Variants in ARHGAP28 observed in about 807,000 individuals in gnomAD.
ARHGAP28 encodes the protein rho GTPase-activating protein 28.
A neutral mutation model predicts 90.7 loss-of-function variants in ARHGAP28; 56 were observed. The ratio of observed to expected loss-of-function variants is 0.62; its 90% CI spans 0.50 to 0.77. The LOEUF (loss-of-function observed/expected upper bound fraction) is 0.77, where lower values mean the gene tolerates loss of function less well. Ranked by LOEUF, ARHGAP28 falls within the 30% of genes least tolerant of loss-of-function variation. ARHGAP28 has a pLI of 0.00. For missense variants in ARHGAP28, 869 were observed against 900.9 expected, an observed-to-expected ratio of 0.96 and a Z score of 0.45; for synonymous variants, 308 against 323.3, an observed-to-expected ratio of 0.95 and a Z score of 0.51.
chr18:6,847,541 A>G (rs1057002619), intron 3 of ARHGAP28, among the ~76,000 whole-genome samples: 16 of 152,066 alleles, frequency 1.1e-4, no homozygotes, highest in Admixed American at 9.8e-4. Flanking sequence ...TCTGAAAAAT[A>G]TGTTTCTTAC....
chr18:6,787,039 G>A (rs2056370465), intron 1 of ARHGAP28, among the ~76,000 whole-genome samples: 1 of 151,906 alleles, frequency 6.6e-6, no homozygotes, highest in African/African-American at 2.4e-5. Context: ...GGCCAACATG[G>A]TGAAACCCCG....
chr18:6,909,571 G>A (rs1367866951), intron 17 of ARHGAP28, among the ~76,000 whole-genome samples: 1 of 152,022 alleles, frequency 6.6e-6, no homozygotes, highest in African/African-American at 2.4e-5. Context: ...GGGATTACAG[G>A]TGTGAGCCAC....
In ARHGAP28 at chr18:6,729,889, C is replaced by A. The variant is rs1327867178; in HGVS notation, c.68C>A (p.Pro23His). 1.2e-5 allele frequency: 17 copies of A among 1,428,252 alleles called. No individual in the cohort carries two copies. The East Asian group carries it at 3.1e-4, about 26-fold the overall frequency. The allele number at this position is 1,428,252 out of a possible 1,614,324, so 88.5% of individuals were successfully genotyped here. Residue 23 changes from proline to histidine, a missense_variant, in exon 1 of 18, where the codon CCC becomes CAC. Transcript: ENST00000383472. Reference sequence around the variant, plus strand: ...CACTCGTACGCGCGCGCCCAGCCCCCCAACGCCGAGTCGCGCTGCGCGCCC... The same window carrying A: ...CACTCGTACGCGCGCGCCCAGCCCCACAACGCCGAGTCGCGCTGCGCGCCC... ...AYHSYARAQP[P>H]NAESRCAPRA...
chr18:6,816,627 T>C (rs2056592559), intron 1 of ARHGAP28, among the ~76,000 whole-genome samples: 1 of 152,178 alleles, frequency 6.6e-6, no homozygotes, highest in Non-Finnish European at 1.5e-5. Context: ...GGTATATTCT[T>C]CCCAAAACTC....
At chr18:6,851,199 T>A in intron 4 of ARHGAP28, 73 bp downstream of exon 4, 1 of 1,316,314 alleles carries the variant, frequency 7.6e-7, no homozygotes, top group South Asian at 1.2e-5. Flanking sequence ...GAGCAAAACT[T>A]GAAAAAAGTG....
intron 1 of ARHGAP28, among the ~76,000 whole-genome samples, chr18:6,747,477 G>C (rs1166411259): frequency 2.0e-5 from 3 of 152,160 alleles, no homozygotes; most frequent in Non-Finnish European, 2.9e-5. Flanking sequence ...TTGTCAAAGA[G>C]ATGTCAGTTG....
At chr18:6,790,251 C>T (rs542205113) in intron 1 of ARHGAP28, 2 of 152,174 alleles carry the variant, frequency 1.3e-5, no homozygotes, top group African/African-American at 4.8e-5. Context: ...ACCTTAAGTA[C>T]ACTTAATGAT....
chr18:6,845,111 T>C (rs1406345546), intron 3 of ARHGAP28, among the ~76,000 whole-genome samples: 1 of 152,214 alleles, frequency 6.6e-6, no homozygotes, highest in Non-Finnish European at 1.5e-5. Context: ...GACTGGGTCT[T>C]GCTGTCACCC....
intron 16 of ARHGAP28, among the ~76,000 whole-genome samples, chr18:6,908,748 G>A (rs749543871): frequency 6.6e-6 from 1 of 152,172 alleles, no homozygotes; most frequent in African/African-American, 2.4e-5. Context: ...CCATCCTGGT[G>A]GGAGCAGTCC....
chr18:6,783,871 C>T (rs894822470), intron 1 of ARHGAP28, among the ~76,000 whole-genome samples: 2 of 152,144 alleles, frequency 1.3e-5, no homozygotes, highest in African/African-American at 4.8e-5. Context: ...CTTTTCATGA[C>T]CCTGGCCTAC....
At chr18:6,778,523 T>G (rs2056301652) in intron 1 of ARHGAP28, among the ~76,000 whole-genome samples, 2 of 152,168 alleles carry the variant, frequency 1.3e-5, no homozygotes, top group Non-Finnish European at 2.9e-5. Context: ...GGCTCTGAGG[T>G]CTGACAGCCT....
chr18:6,912,138 C>T lies in ARHGAP28; in HGVS notation c.2174C>T (p.Pro725Leu). The T allele has an allele frequency of 6.3e-7, 1 of 1,597,198 alleles. No individual in the cohort carries two copies. The highest frequency in any genetic ancestry group is 8.6e-7 in the Non-Finnish European group (1 of 1,166,618). ...CCTCAAGCAGAATGGGTGATTAAAC[C>T]CCAACAAAGTTCTTAAAATATCCTC... The part of the protein sequence containing the change: ...INPQAEWVIK[P>L]QQSS Residue 725 changes from proline to leucine, a missense_variant, in exon 18 of 18, where the codon CCC (proline) becomes CTC (leucine). Coordinates refer to ENST00000383472, the MANE Select transcript of ARHGAP28 (RefSeq NM_001366230.1).
At chr18:6,796,282 CA>C (rs1471080658) in intron 1 of ARHGAP28, among the ~76,000 whole-genome samples, 1 of 152,140 alleles carries the variant, frequency 6.6e-6, no homozygotes, top group Non-Finnish European at 1.5e-5. Context: ...TACATGCATA[CA>C]TTTTTTTCAG....
At chr18:6,791,279 T>C (rs1480059234) in intron 1 of ARHGAP28, 3 of 152,152 alleles carry the variant, frequency 2.0e-5, no homozygotes, top group Non-Finnish European at 1.5e-5. Flanking sequence ...TCCATGTTCC[T>C]CTGCCTGCTT....
chr18:6,864,128 C>T (rs900870402), intron 5 of ARHGAP28, among the ~76,000 whole-genome samples: 3 of 152,022 alleles, frequency 2.0e-5, no homozygotes, highest in Middle Eastern at 3.4e-3. Context: ...TGCAGTGGTG[C>T]GATCTTGGCT....
chr18:6,878,412 G>A (rs1180514778), intron 10 of ARHGAP28, among the ~76,000 whole-genome samples: 1 of 151,374 alleles, frequency 6.6e-6, no homozygotes, highest in Non-Finnish European at 1.5e-5. Context: ...GAGTTAGTGG[G>A]TGCAGCACAC....
At chr18:6,829,698 A>C (rs1216251805) in intron 2 of ARHGAP28, among the ~76,000 whole-genome samples, 1 of 152,106 alleles carries the variant, frequency 6.6e-6, no homozygotes, top group Non-Finnish European at 1.5e-5. Context: ...AGAGACAACC[A>C]TGGCTCCCAT....
chr18:6,784,201 A>T (rs2056349017), intron 1 of ARHGAP28, among the ~76,000 whole-genome samples: 1 of 152,028 alleles, frequency 6.6e-6, no homozygotes, highest in Admixed American at 6.6e-5. Context: ...TTGCTCCTGG[A>T]GGTGTGTCTA....
chr18:6,897,918 A>AT (rs2057315785), intron 16 of ARHGAP28: 2 of 152,254 alleles, frequency 1.3e-5, no homozygotes, highest in African/African-American at 4.8e-5. Context: ...AAATGAGTAT[A>AT]AGTAAAACTT....
Sources: allele counts gnomAD v4.1 joint callset (sites outside exome capture counted in the v4.1 genomes callset), GRCh38; gene constraint gnomAD v4.1.1; transcripts MANE v1.5; gene names NCBI Gene and HGNC (gene_info 2026-07-23, HGNC 2026-07-21).